Variants in ADGRG3 observed in about 807,000 individuals in gnomAD.
ADGRG3 encodes adhesion G protein-coupled receptor G3.
ADGRG3 carries 39 observed loss-of-function variants against 54.3 expected under a neutral mutation model. That is an observed-to-expected ratio of 0.72 (90% CI 0.56 to 0.94). The LOEUF (loss-of-function observed/expected upper bound fraction) is 0.94. ADGRG3 is among the 40% of genes least tolerant of loss of function. The pLI is 0.00. For synonymous variants in ADGRG3, 312 were observed against 290.0 expected (o/e 1.08, Z -0.77); for missense variants, 654 against 694.6 (o/e 0.94, Z 0.66).
intron 6 of ADGRG3, 46 bp from the exon 7 acceptor site, chr16:57,680,219 C>T (rs756279775): frequency 1.7e-6 from 2 of 1,176,470 alleles, no homozygotes; most frequent in African/African-American, 1.5e-5. Flanking sequence ...CTTGCCCTCC[C>T]CTCCCTATAT....
At chr16:57,673,211 G>A in intron 1 of ADGRG3, 110 bp from the exon 2 acceptor site, 1 of 1,052,162 alleles carries the variant, frequency 9.5e-7, no homozygotes. Flanking sequence ...CATGGAGCTG[G>A]AATTCTAGCC....
intron 1 of ADGRG3, among the ~76,000 whole-genome samples, chr16:57,671,707 C>A (rs933161091): frequency 6.6e-6 from 1 of 152,052 alleles, no homozygotes; most frequent in African/African-American, 2.4e-5. Flanking sequence ...TCTATGAGTT[C>A]TCAACACAAG....
At chr16:57,673,204 G>C in intron 1 of ADGRG3, 117 bp from the exon 2 acceptor site, 1 of 954,454 alleles carries the variant, frequency 1.0e-6, no homozygotes, top group South Asian at 1.6e-5. Flanking sequence ...TGTGATGCAT[G>C]GAGCTGGAAT....
At chr16:57,681,814 G>A (rs1055710073) in intron 8 of ADGRG3, among the ~76,000 whole-genome samples, 4 of 151,788 alleles carry the variant, frequency 2.6e-5, no homozygotes, top group African/African-American at 4.8e-5. Flanking sequence ...TCAAGATGGC[G>A]ACAGTAGAAC....
At chr16:57,688,002 C>G (rs1463869778) in intron 11 of ADGRG3, among the ~76,000 whole-genome samples, 1 of 152,166 alleles carries the variant, frequency 6.6e-6, no homozygotes, top group Admixed American at 6.5e-5. Flanking sequence ...TTCTTTCACC[C>G]CACACTTTCC....
intron 10 of ADGRG3, among the ~76,000 whole-genome samples, chr16:57,684,974 G>A (rs537973127): frequency 3.9e-5 from 6 of 152,266 alleles, no homozygotes; most frequent in East Asian, 1.9e-4. Flanking sequence ...TGGCAGGCCC[G>A]ATCTCTCCCA....
At position 57,673,434 on chromosome 16, in the gene ADGRG3, G is replaced by A. The variant is rs1201123565; in HGVS notation, c.172G>A (p.Gly58Ser). 4 of 1,611,574 alleles carry A rather than the reference G, an allele frequency of 2.5e-6. No individual in the cohort carries two copies. In the South Asian group the frequency reaches 3.3e-5, roughly 13 times the overall value. Residue 58 changes from glycine to serine, a missense_variant, in exon 2 of 12, where the codon GGC (glycine) becomes AGC (serine). Transcript: ENST00000333493. ...GTGCTTCACCAAGTGCAGGCAGTCG[G>A]GCAGCGACTCCTGCAATGTGGAAAA... ...ALCFTKCRQSGSDSCNVENLQ... is the reference protein window; with the variant it reads ...ALCFTKCRQSSSDSCNVENLQ...
intron 3 of ADGRG3, among the ~76,000 whole-genome samples, chr16:57,677,701 C>T (rs761711158): frequency 2.0e-5 from 3 of 152,180 alleles, no homozygotes; most frequent in East Asian, 1.9e-4. Context: ...TCAGAGTAAA[C>T]GTGTGTGTCC....
intron 8 of ADGRG3, 92 bp downstream of exon 8, chr16:57,680,709 T>C: frequency 1.2e-6 from 1 of 852,590 alleles, no homozygotes; most frequent in Non-Finnish European, 2.0e-6. Context: ...GTGCAGCCTC[T>C]GACCGTTGTC....
chr16:57,680,538 C>T lies in ADGRG3; in HGVS notation c.802C>T (p.Leu268Phe), dbSNP rs369002819. ...CTTGGACCAGTCCACGGTGCATATC[C>T]TCACACGCATCTCCCAGGCGGGCTG... The part of the protein sequence containing the change: ...PTLDQSTVHI[L>F]TRISQAGCGV... The change falls in exon 8 of 12, where the codon CTC (leucine) becomes TTC (phenylalanine). Residue 268 changes from leucine (L) to phenylalanine (F), a missense_variant. Transcript: ENST00000333493. The T allele has an allele frequency of 3.7e-6, 6 of 1,613,858 alleles. No individual in the cohort carries two copies. The Admixed American group carries it at 6.7e-5, about 18-fold the overall frequency.
chr16:57,688,412 C>A lies in ADGRG3; in HGVS notation c.1601C>A (p.Ser534Tyr). ...LYLPSQSTTV[S>Y]SSTARLDQAH... ...CTCCCAAGTCAGAGCACCACAGTCT[C>A]CTCCTCTACTGCAAGATTGGACCAG... Residue 534 changes from serine (S) to tyrosine (Y), a missense_variant, in exon 12 of 12, where the codon TCC becomes TAC. By Grantham distance (144) the Ser-to-Tyr change is moderately radical. Transcript: ENST00000333493. 6.2e-7 allele frequency: 1 copy of A among 1,613,660 alleles called. No homozygotes were observed. The highest frequency in any genetic ancestry group is 1.7e-5 in the Admixed American group (1 of 60,028).
chr16:57,671,332 G>GTTTTTT (rs60592653), intron 1 of ADGRG3, among the ~76,000 whole-genome samples: 1 of 86,338 alleles, frequency 1.2e-5, no homozygotes, highest in Non-Finnish European at 2.2e-5. Context: ...TAGAATAGGA[G>GTTTTTT]TTTTTTTTTT....
chr16:57,677,047 T>G (rs1438447462), intron 3 of ADGRG3, among the ~76,000 whole-genome samples: 2 of 152,168 alleles, frequency 1.3e-5, no homozygotes, highest in African/African-American at 4.8e-5. Flanking sequence ...GGAAGAGAGA[T>G]TCTTTCTCAA....
chr16:57,668,088 G>C (rs190775070), upstream of ADGRG3: 59 of 552,602 alleles, frequency 1.1e-4, no homozygotes, highest in African/African-American at 1.0e-3. Context: ...GTGGGGCCCC[G>C]GGGGCACATA....
chr16:57,679,222 C>G lies in ADGRG3; in HGVS notation c.538C>G (p.Arg180Gly). ...AGATGGCAGCGGCGTGTTGAACAAT[C>G]GCCTGGTGGGTTTGAGTGTGGGACA... ...LGDGSGVLNNRLVGLSVGQMH... is the reference protein window; with the variant it reads ...LGDGSGVLNNGLVGLSVGQMH... Residue 180 changes from arginine to glycine, a missense_variant, in exon 5 of 12, where the codon CGC becomes GGC. Transcript: ENST00000333493. The G allele has an allele frequency of 1.9e-6, 3 of 1,613,988 alleles. No individual in the cohort carries two copies. The highest frequency in any genetic ancestry group is 2.5e-6 in the Non-Finnish European group (3 of 1,179,920).
At position 57,684,226 on chromosome 16, in the gene ADGRG3, GGATGGACAGAATAAACGGCCGGCCCTGA is replaced by G; in HGVS notation, c.1162+16_1162+43del. On this transcript the variant is annotated intron_variant, in intron 9 of 11. Coordinates refer to ENST00000333493, the MANE Select transcript of ADGRG3 (RefSeq NM_170776.5). ...TGGTGGGCTGGGGTAGGTGCTGCCT[GGATGGACAGAATAAACGGCCGGCCCTGA>G]GGGTGCAGAGGGAAATAGCCTTGGG... 6.2e-7 allele frequency: 1 copy of G among 1,608,170 alleles called. No individual in the cohort carries two copies.
At chr16:57,682,664 C>T in intron 8 of ADGRG3, 1 of 982,714 alleles carries the variant, frequency 1.0e-6, no homozygotes, top group Non-Finnish European at 1.2e-6. Flanking sequence ...TCCAGGAAGC[C>T]CCCGGCTCCC....
chr16:57,667,600 T>G (rs1597747933), upstream of ADGRG3, among the ~76,000 whole-genome samples: 1 of 152,200 alleles, frequency 6.6e-6, no homozygotes, highest in African/African-American at 2.4e-5. Flanking sequence ...TGACAGACAG[T>G]GCATGCAAGG....
intron 1 of ADGRG3, among the ~76,000 whole-genome samples, chr16:57,671,051 A>G (rs2048147933): frequency 6.6e-6 from 1 of 152,102 alleles, no homozygotes; most frequent in Non-Finnish European, 1.5e-5. Context: ...CCCACCCTCA[A>G]AGGGAGAAGG....
Sources: gnomAD v4.1 joint callset for allele counts (sites outside exome capture counted in the v4.1 genomes callset) on GRCh38, gnomAD v4.1.1 for gene constraint, MANE v1.5 for transcripts, NCBI Gene and HGNC (gene_info 2026-07-23, HGNC 2026-07-21) for gene names.